The following TRDN variants were observed in gnomAD, a reference collection of about 807,000 sequenced individuals.
TRDN encodes triadin in skeletal muscle.
Under a neutral mutation model 149.7 loss-of-function variants are expected in TRDN, and 161 were observed. The observed-to-expected ratio is 1.08, with a 90% CI of 0.95 to 1.23. The LOEUF is 1.23. TRDN is among the 50% of genes most tolerant of loss of function. TRDN has a pLI of 0.00. For missense variants in TRDN, 896 were observed against 823.5 expected (o/e 1.09, Z -1.08); for synonymous variants, 294 against 250.5 (o/e 1.17, Z -1.64).
chr6:123,565,820 C>T lies in TRDN; in HGVS notation c.232+5103G>A, dbSNP rs934328719. 6.6e-5 allele frequency among the ~76,000 whole-genome samples: 10 copies of T among 152,282 alleles called. No homozygotes were observed. The South Asian group carries it at 1.7e-3, about 25-fold the overall frequency. On this transcript the variant is annotated intron_variant, in intron 2 of 40. Transcript: ENST00000334268. ...CGCGTGCAGTTCCGTGGGGGAAAGGCGTCAATTTATCCTGCAGCTCATCCG... is the reference window on the plus strand; with the variant it reads ...CGCGTGCAGTTCCGTGGGGGAAAGGTGTCAATTTATCCTGCAGCTCATCCG...
chr6:123,352,232 A>G, intron 21 of TRDN: 1 of 985,074 alleles, frequency 1.0e-6, no homozygotes, highest in Non-Finnish European at 1.2e-6. Context: ...AAATAGGAAT[A>G]TGTCTACCAG....
intron 38 of TRDN, among the ~76,000 whole-genome samples, chr6:123,248,649 C>T (rs1052557338): frequency 2.0e-5 from 3 of 152,010 alleles, no homozygotes; most frequent in Admixed American, 6.6e-5. Context: ...CTCCTGAAAA[C>T]ATAAAACTCA....
intron 20 of TRDN, among the ~76,000 whole-genome samples, chr6:123,353,766 A>G (rs1431281): frequency 0.082 from 12,486 of 151,634 alleles, 1,725 homozygotes; most frequent in African/African-American, 0.29. Context: ...AAAATTCCCT[A>G]TATTTCCAGG....
At chr6:123,379,583 G>T (rs532350221) in intron 16 of TRDN, among the ~76,000 whole-genome samples, 1 of 152,242 alleles carries the variant, frequency 6.6e-6, no homozygotes, top group South Asian at 2.1e-4. Flanking sequence ...ACATGCATCA[G>T]AATCGAATAC....
chr6:123,550,745 T>C (rs1781342945), intron 2 of TRDN, among the ~76,000 whole-genome samples: 1 of 151,990 alleles, frequency 6.6e-6, no homozygotes, highest in Non-Finnish European at 1.5e-5. Context: ...GAGGGATTCG[T>C]GGAGCACACA....
intron 24 of TRDN, among the ~76,000 whole-genome samples, chr6:123,293,044 A>T (rs1045385727): frequency 2.6e-5 from 4 of 152,176 alleles, no homozygotes; most frequent in African/African-American, 9.7e-5. Context: ...ATGGGTGGGA[A>T]CATAACTCTA....
At chr6:123,580,781 CCT>C (rs1783083102) in intron 1 of TRDN, among the ~76,000 whole-genome samples, 1 of 152,166 alleles carries the variant, frequency 6.6e-6, no homozygotes, top group Admixed American at 6.5e-5. Context: ...AAAGCCTCAA[CCT>C]CTCTACTTTG....
At chr6:123,222,931 C>G (rs1775205056) in intron 39 of TRDN, among the ~76,000 whole-genome samples, 1 of 151,740 alleles carries the variant, frequency 6.6e-6, no homozygotes, top group Non-Finnish European at 1.5e-5. Context: ...AAATGCAAAT[C>G]AAAACCACAA....
At chr6:123,547,188 G>T (rs1418974129) in intron 4 of TRDN, among the ~76,000 whole-genome samples, 152 bp downstream of exon 4, 2 of 152,020 alleles carry the variant, frequency 1.3e-5, no homozygotes, top group South Asian at 2.1e-4. Context: ...CATTGGAAAA[G>T]AAATTGAGTA....
intron 27 of TRDN, 105 bp downstream of exon 27, chr6:123,274,532 CTTGG>C: frequency 5.4e-6 from 5 of 928,068 alleles, no homozygotes; most frequent in Non-Finnish European, 8.0e-6. Context: ...TAATGAGGAA[CTTGG>C]AGACTATGTG....
intron 38 of TRDN, among the ~76,000 whole-genome samples, chr6:123,246,724 C>A (rs1223574155): frequency 6.6e-6 from 1 of 151,874 alleles, no homozygotes; most frequent in African/African-American, 2.4e-5. Flanking sequence ...GGACTCTTCC[C>A]TAGCTCATTT....
chr6:123,288,482 T>C (rs1167481908), intron 24 of TRDN, among the ~76,000 whole-genome samples: 2 of 152,028 alleles, frequency 1.3e-5, no homozygotes, highest in Non-Finnish European at 2.9e-5. Context: ...AAATCATACT[T>C]CTGATAAAGG....
intron 12 of TRDN, among the ~76,000 whole-genome samples, chr6:123,409,626 A>G (rs1474116016): frequency 6.6e-6 from 1 of 152,154 alleles, no homozygotes; most frequent in Non-Finnish European, 1.5e-5. Context: ...AATTTTGAAC[A>G]CAAGCATGAC....
At chr6:123,328,975 A>G (rs551226676) in intron 23 of TRDN, among the ~76,000 whole-genome samples, 2 of 152,252 alleles carry the variant, frequency 1.3e-5, no homozygotes, top group African/African-American at 4.8e-5. Flanking sequence ...TCTTGATTGC[A>G]TATGGTTACG....
At chr6:123,562,715 T>C (rs1228168915) in intron 2 of TRDN, among the ~76,000 whole-genome samples, 1 of 152,248 alleles carries the variant, frequency 6.6e-6, no homozygotes, top group East Asian at 1.9e-4. Flanking sequence ...CATTGGATTC[T>C]AAAAGATAAA....
At chr6:123,288,707 T>C (rs2217502) in intron 24 of TRDN, among the ~76,000 whole-genome samples, 27,663 of 151,970 alleles carry the variant, frequency 0.18, 3,179 homozygotes, top group East Asian at 0.54. Flanking sequence ...TGAATGAGTA[T>C]TATCAAAAAG....
At chr6:123,545,080 T>A (rs565779533) in intron 4 of TRDN, among the ~76,000 whole-genome samples, 1 of 151,958 alleles carries the variant, frequency 6.6e-6, no homozygotes, top group Admixed American at 6.6e-5. Context: ...ATAGGGCAGT[T>A]GAATAAAAAA....
chr6:123,305,669 A>G (rs928222418), intron 24 of TRDN, among the ~76,000 whole-genome samples: 1 of 152,174 alleles, frequency 6.6e-6, no homozygotes, highest in Non-Finnish European at 1.5e-5. Flanking sequence ...ATGTTGGAAC[A>G]AGATTCCTTA....
intron 8 of TRDN, chr6:123,501,692 G>C (rs1045429047): frequency 3.2e-6 from 1 of 313,782 alleles, no homozygotes; most frequent in African/African-American, 2.2e-5. Flanking sequence ...ACTGAGACTT[G>C]CTTTAGCAAT....
Sources: gnomAD v4.1 joint callset for allele counts (sites outside exome capture counted in the v4.1 genomes callset) on GRCh38, gnomAD v4.1.1 for gene constraint, MANE v1.5 for transcripts, NCBI Gene and HGNC (gene_info 2026-07-23, HGNC 2026-07-21) for gene names.